TTC27: variants seen among roughly 807,000 people sequenced by gnomAD.
TTC27 encodes the protein tetratricopeptide repeat domain 27, also known as tetratricopeptide repeat protein 27.
TTC27 carries 79 observed loss-of-function variants against 115.9 expected under a neutral mutation model. The ratio of observed to expected loss-of-function variants is 0.68; its 90% CI spans 0.57 to 0.82. The LOEUF (loss-of-function observed/expected upper bound fraction) is 0.82, where lower values mean the gene tolerates loss of function less well. Among genes scored for constraint, TTC27 ranks in the 40% least tolerant of loss-of-function variants. The pLI is 0.00. For missense variants in TTC27, 1,054 were observed against 993.1 expected (o/e 1.06, Z -0.82); for synonymous variants, 401 against 356.0 (o/e 1.13, Z -1.42).
intron 13 of TTC27, among the ~76,000 whole-genome samples, chr2:32,775,833 TATA>T (rs1485648973): frequency 3.9e-5 from 6 of 152,214 alleles, no homozygotes; most frequent in Non-Finnish European, 5.9e-5. Context: ...ATTGATGAAA[TATA>T]ATACACAGAT....
chr2:32,637,596 G>C (rs1664477892), intron 3 of TTC27, among the ~76,000 whole-genome samples: 1 of 152,142 alleles, frequency 6.6e-6, no homozygotes, highest in Non-Finnish European at 1.5e-5. Context: ...CTCCCAAAGT[G>C]CTGAGATTCC....
intron 16 of TTC27, 65 bp from the exon 17 acceptor site, chr2:32,810,959 A>C (rs922266683): frequency 7.2e-6 from 11 of 1,519,400 alleles, no homozygotes; most frequent in Admixed American, 1.7e-5. Context: ...ATGGTGAGAT[A>C]GCTCTTTGTT....
At chr2:32,716,315 C>G (rs567301191) in intron 10 of TTC27, among the ~76,000 whole-genome samples, 1 of 152,106 alleles carries the variant, frequency 6.6e-6, no homozygotes, top group East Asian at 1.9e-4. Flanking sequence ...TTTAAAGTGT[C>G]CTTTAATTAA....
chr2:32,660,729 T>A (rs1241197819), intron 5 of TTC27, among the ~76,000 whole-genome samples: 8 of 152,220 alleles, frequency 5.3e-5, no homozygotes, highest in Admixed American at 5.2e-4. Flanking sequence ...GCCTGTTCAC[T>A]CTGATGATAG....
At chr2:32,643,474 T>G (rs548487401) in intron 4 of TTC27, among the ~76,000 whole-genome samples, 1 of 151,818 alleles carries the variant, frequency 6.6e-6, no homozygotes, top group Admixed American at 6.6e-5. Flanking sequence ...CCTTGCTAAT[T>G]TTTTTGTACT....
At position 32,733,915 on chromosome 2, in the gene TTC27, G is replaced by A. The variant is rs149376571; in HGVS notation, c.1321G>A (p.Ala441Thr). Residue 441 changes from alanine to threonine, a missense_variant, in exon 11 of 20, where the codon GCC becomes ACC. By Grantham distance (58) the Ala-to-Thr change is moderately conservative (BLOSUM62 0). Coordinates refer to ENST00000317907, the MANE Select transcript of TTC27 (RefSeq NM_017735.5). ...TTGCTGTCAAGTACCACCTCACTGG[G>A]CCATTCAGGTATTTCTGTTGTTTGT... ...FYCCQVPPHW[A>T]IQRQLASLLF... 1.2e-6 allele frequency: 2 copies of A among 1,608,938 alleles called. No homozygotes were observed. The highest frequency in any genetic ancestry group is 2.2e-5 in the South Asian group (2 of 90,506).
At chr2:32,702,982 A>G (rs1309592234) in intron 10 of TTC27, 62 bp downstream of exon 10, 4 of 1,143,624 alleles carry the variant, frequency 3.5e-6, no homozygotes, top group Non-Finnish European at 5.3e-6. Flanking sequence ...CAGTAAGCAT[A>G]CATGTTTGCT....
chr2:32,778,742 G>A (rs1670079230), intron 14 of TTC27, among the ~76,000 whole-genome samples: 1 of 152,158 alleles, frequency 6.6e-6, no homozygotes, highest in South Asian at 2.1e-4. Flanking sequence ...CCATTCATGA[G>A]TTGGTAGACA....
chr2:32,767,443 G>GT (rs150586627), intron 13 of TTC27, among the ~76,000 whole-genome samples: 19,533 of 111,842 alleles, frequency 0.17, 1,635 homozygotes, highest in Middle Eastern at 0.28. Context: ...ATATTTATAA[G>GT]TTTTTTTTTG....
At chr2:32,761,938 C>T (rs1396660985) in intron 13 of TTC27, among the ~76,000 whole-genome samples, 1 of 152,108 alleles carries the variant, frequency 6.6e-6, no homozygotes, top group African/African-American at 2.4e-5. Context: ...CAAATATATA[C>T]TAATTGTCTG....
intron 3 of TTC27, among the ~76,000 whole-genome samples, chr2:32,637,843 A>G (rs923294313): frequency 3.3e-5 from 5 of 152,210 alleles, no homozygotes; most frequent in Non-Finnish European, 5.9e-5. Context: ...GGGTTCTCAC[A>G]GAATACCTCA....
chr2:32,706,610 G>T (rs1227895316), intron 10 of TTC27, among the ~76,000 whole-genome samples: 4 of 151,848 alleles, frequency 2.6e-5, no homozygotes, highest in Non-Finnish European at 5.9e-5. Context: ...TGTCGCCCAG[G>T]CTGGAGTGCA....
chr2:32,779,904 C>G (rs1315563485), intron 14 of TTC27: 2 of 226,106 alleles, frequency 8.8e-6, no homozygotes, highest in Middle Eastern at 7.6e-4. Context: ...AAAGACTATT[C>G]TTTTCCTATT....
chr2:32,664,305 A>T lies in TTC27; in HGVS notation c.643A>T (p.Met215Leu), dbSNP rs546877000. Reference protein sequence around the residue: ...TLAENCIDQVMKLQNLFVDDS... With the variant: ...TLAENCIDQVLKLQNLFVDDS... Reference sequence around the variant, plus strand: ...ATGTTTTATCTTTTGTCTTGCAGTGATGAAACTACAGAATCTGTTTGTAGA... The same window carrying T: ...ATGTTTTATCTTTTGTCTTGCAGTGTTGAAACTACAGAATCTGTTTGTAGA... The change falls in exon 6 of 20, where the codon ATG becomes TTG. Residue 215 changes from methionine to leucine, a missense_variant and splice_region_variant. Physicochemically the swap from Met to Leu is conservative, Grantham distance 15. Coordinates refer to ENST00000317907, the MANE Select transcript of TTC27 (RefSeq NM_017735.5). 1.9e-6 allele frequency: 3 copies of T among 1,591,912 alleles called. No individual in the cohort carries two copies. The South Asian group carries it at 3.4e-5, about 18-fold the overall frequency.
chr2:32,800,562 A>G (rs1291988906), intron 16 of TTC27, among the ~76,000 whole-genome samples: 2 of 151,970 alleles, frequency 1.3e-5, no homozygotes, highest in Non-Finnish European at 2.9e-5. Context: ...CAGTGGCACA[A>G]TCTCGGCTCT....
At chr2:32,772,235 C>T (rs886427152) in intron 13 of TTC27, among the ~76,000 whole-genome samples, 4 of 152,120 alleles carry the variant, frequency 2.6e-5, no homozygotes, top group South Asian at 2.1e-4. Context: ...CTGTCTTCAG[C>T]ACACATATTT....
chr2:32,754,525 A>G (rs2147988411), intron 12 of TTC27, among the ~76,000 whole-genome samples: 1 of 149,446 alleles, frequency 6.7e-6, no homozygotes, highest in Middle Eastern at 3.4e-3. Context: ...ACAAAATGAA[A>G]AGTCTCCCAT....
chr2:32,757,899 A>G (rs1156309373), intron 12 of TTC27, among the ~76,000 whole-genome samples: 25 of 152,120 alleles, frequency 1.6e-4, no homozygotes, highest in Non-Finnish European at 4.4e-5. Context: ...ACAGGGTTTC[A>G]CCATATTGGC....
At chr2:32,724,343 CTG>C (rs1198005139) in intron 10 of TTC27, among the ~76,000 whole-genome samples, 2 of 152,114 alleles carry the variant, frequency 1.3e-5, no homozygotes, top group Non-Finnish European at 2.9e-5. Context: ...TGCCTTTTCA[CTG>C]TGTTGATATT....
Sources: allele counts gnomAD v4.1 joint callset (sites outside exome capture counted in the v4.1 genomes callset), GRCh38; gene constraint gnomAD v4.1.1; transcripts MANE v1.5; gene names NCBI Gene and HGNC (gene_info 2026-07-23, HGNC 2026-07-21).